Variants in SGCZ observed in about 807,000 individuals in gnomAD.
SGCZ encodes the protein sarcoglycan zeta.
SGCZ carries 40 observed loss-of-function variants against 41.3 expected under a neutral mutation model. That is an observed-to-expected ratio of 0.97 (90% CI 0.75 to 1.26). The LOEUF (loss-of-function observed/expected upper bound fraction) is 1.26, where lower values mean the gene tolerates loss of function less well. Among genes scored for constraint, SGCZ ranks in the 50% most tolerant of loss-of-function variants. SGCZ has a pLI of 0.00. For missense variants in SGCZ, 552 were observed against 369.8 expected (o/e 1.49, Z -4.04); for synonymous variants, 206 against 137.5 (o/e 1.50, Z -3.49).
chr8:14,414,422 C>T (rs1325299580), intron 2 of SGCZ, among the ~76,000 whole-genome samples: 1 of 151,798 alleles, frequency 6.6e-6, no homozygotes, highest in Non-Finnish European at 1.5e-5. Context: ...AGGTCCCCAC[C>T]CTCAGAAATG....
intron 2 of SGCZ, among the ~76,000 whole-genome samples, chr8:14,380,064 T>A (rs1024837212): frequency 6.6e-6 from 1 of 152,166 alleles, no homozygotes; most frequent in East Asian, 1.9e-4. Context: ...CTTCTGACTA[T>A]ATTAATATTG....
At chr8:14,309,200 C>A (rs370500279) in intron 3 of SGCZ, 6 of 1,485,236 alleles carry the variant, frequency 4.0e-6, no homozygotes, top group Non-Finnish European at 5.6e-6. Flanking sequence ...AAACCTGCTG[C>A]GGCTGATCTC....
At chr8:14,578,914 G>A (rs899613518) in intron 1 of SGCZ, among the ~76,000 whole-genome samples, 1 of 151,962 alleles carries the variant, frequency 6.6e-6, no homozygotes, top group Non-Finnish European at 1.5e-5. Flanking sequence ...TTTTTGTATG[G>A]ATCACTCTTT....
chr8:14,333,261 T>C (rs1489976859), intron 2 of SGCZ, among the ~76,000 whole-genome samples: 1 of 151,974 alleles, frequency 6.6e-6, no homozygotes, highest in Non-Finnish European at 1.5e-5. Flanking sequence ...AAGCCAAGGG[T>C]GCTATCATAA....
intron 7 of SGCZ, among the ~76,000 whole-genome samples, chr8:14,094,886 A>G (rs1031077822): frequency 4.6e-5 from 7 of 152,250 alleles, no homozygotes; most frequent in South Asian, 2.1e-4. Flanking sequence ...CTAATGACCA[A>G]TGATGAAGAG....
At chr8:14,586,450 C>T (rs1014408974) in intron 1 of SGCZ, among the ~76,000 whole-genome samples, 1 of 152,148 alleles carries the variant, frequency 6.6e-6, no homozygotes, top group Non-Finnish European at 1.5e-5. Context: ...TGGGCTCAAG[C>T]AATCTGCCCG....
chr8:14,979,459 A>T (rs1340895595), intron 1 of SGCZ, among the ~76,000 whole-genome samples: 1 of 152,214 alleles, frequency 6.6e-6, no homozygotes, highest in Non-Finnish European at 1.5e-5. Flanking sequence ...AGGCTTACAT[A>T]ATCTCTTTTG....
chr8:15,204,082 A>G (rs1285830972), intron 1 of SGCZ, among the ~76,000 whole-genome samples: 1 of 152,236 alleles, frequency 6.6e-6, no homozygotes, highest in East Asian at 1.9e-4. Flanking sequence ...GACCAATTAT[A>G]GTAGCTATCT....
intron 1 of SGCZ, among the ~76,000 whole-genome samples, chr8:14,661,466 G>A (rs1204041804): frequency 1.3e-5 from 2 of 152,130 alleles, no homozygotes; most frequent in East Asian, 1.9e-4. Flanking sequence ...GATTGAGTCA[G>A]TGCAATATCT....
At chr8:14,852,011 C>T (rs1360657956) in intron 1 of SGCZ, among the ~76,000 whole-genome samples, 1 of 152,110 alleles carries the variant, frequency 6.6e-6, no homozygotes, top group African/African-American at 2.4e-5. Context: ...TTCTAGGAAA[C>T]AAACTTTAGC....
At chr8:14,302,152 A>G (rs906789737) in intron 3 of SGCZ, among the ~76,000 whole-genome samples, 1 of 151,984 alleles carries the variant, frequency 6.6e-6, no homozygotes, top group East Asian at 1.9e-4. Context: ...TGTTATATTA[A>G]TTTTTTTATT....
rs1009159827 is a variant in SGCZ, at chr8:14,089,747, G to C, written c.*696C>G. The C allele has an allele frequency of 3.9e-5, 6 of 151,910 alleles. 1 individual carries two copies. Among genetic ancestry groups the C allele is most frequent in the South Asian group, 4.1e-4 (2 of 4,828 alleles). The allele number at this position is 151,910 out of a possible 1,614,324, so 9.4% of individuals were successfully genotyped here. On this transcript the variant is annotated 3_prime_UTR_variant, in exon 8 of 8. Coordinates refer to ENST00000382080, the MANE Select transcript of SGCZ (RefSeq NM_139167.4). The stretch of plus-strand genomic sequence containing the variant: ...ACCAATGACATTATAATGGCATTTT[G>C]TTAATTCTGTAAAGGATATATTGCT...
intron 3 of SGCZ, among the ~76,000 whole-genome samples, chr8:14,315,814 A>G (rs993407041): frequency 1.3e-5 from 2 of 151,634 alleles, no homozygotes; most frequent in African/African-American, 2.4e-5. Context: ...TATTTAATTG[A>G]TTCAAACTAA....
chr8:14,688,832 T>G (rs939532231), intron 1 of SGCZ, among the ~76,000 whole-genome samples: 1 of 152,136 alleles, frequency 6.6e-6, no homozygotes, highest in Non-Finnish European at 1.5e-5. Context: ...TGTCCCTGTT[T>G]GCAGACGACA....
intron 2 of SGCZ, among the ~76,000 whole-genome samples, chr8:14,511,555 C>G (rs1172347446): frequency 1.3e-5 from 2 of 151,868 alleles, no homozygotes; most frequent in Non-Finnish European, 2.9e-5. Context: ...TAGGCTAAAA[C>G]AAAATAGAGA....
intron 2 of SGCZ, among the ~76,000 whole-genome samples, chr8:14,458,595 A>G (rs1800814547): frequency 6.6e-6 from 1 of 152,216 alleles, no homozygotes; most frequent in African/African-American, 2.4e-5. Context: ...TTTTAAAAAT[A>G]CAGATAAATA....
At chr8:14,796,180 G>T (rs191929407) in intron 1 of SGCZ, among the ~76,000 whole-genome samples, 1 of 152,276 alleles carries the variant, frequency 6.6e-6, no homozygotes, top group East Asian at 1.9e-4. Context: ...ATTCATTTGG[G>T]TATACACTCA....
At chr8:14,973,810 C>G (rs1801378330) in intron 1 of SGCZ, among the ~76,000 whole-genome samples, 1 of 152,128 alleles carries the variant, frequency 6.6e-6, no homozygotes, top group African/African-American at 2.4e-5. Context: ...TTCTGAATGT[C>G]TTTAATATTA....
chr8:14,192,246 T>A (rs528502596), intron 4 of SGCZ, among the ~76,000 whole-genome samples: 1 of 152,120 alleles, frequency 6.6e-6, no homozygotes, highest in South Asian at 2.1e-4. Context: ...TTACCAAATT[T>A]TTGCATTTGA....
Sources: gnomAD v4.1 joint callset for allele counts (sites outside exome capture counted in the v4.1 genomes callset) on GRCh38, gnomAD v4.1.1 for gene constraint, MANE v1.5 for transcripts, NCBI Gene and HGNC (gene_info 2026-07-23, HGNC 2026-07-21) for gene names.